CHRM3: variants seen among roughly 807,000 people sequenced by gnomAD.
CHRM3 encodes muscarinic acetylcholine receptor M3.
CHRM3 carries 11 observed loss-of-function variants against 41.8 expected under a neutral mutation model. The ratio of observed to expected loss-of-function variants is 0.26; its 90% CI spans 0.17 to 0.44. CHRM3 has a LOEUF of 0.44. Among genes scored for constraint, CHRM3 ranks in the 20% least tolerant of loss-of-function variants. The pLI, the probability that CHRM3 is intolerant of heterozygous loss-of-function variation, is 1.00. For missense variants in CHRM3, 571 were observed against 745.4 expected (o/e 0.77, Z 2.72); for synonymous variants, 297 against 301.4 (o/e 0.99, Z 0.15).
chr1:239,785,740 T>C (rs1019955955), intron 5 of CHRM3, among the ~76,000 whole-genome samples: 1 of 152,124 alleles, frequency 6.6e-6, no homozygotes, highest in African/African-American at 2.4e-5. Context: ...GTTAGTTTCT[T>C]CGTGGAAAAA....
chr1:239,508,839 C>G (rs1668742063), intron 2 of CHRM3, among the ~76,000 whole-genome samples: 1 of 152,084 alleles, frequency 6.6e-6, no homozygotes, highest in African/African-American at 2.4e-5. Flanking sequence ...TTTTTCGTCT[C>G]TTTACGTATT....
At chr1:239,455,864 C>T (rs1302129111) in intron 1 of CHRM3, among the ~76,000 whole-genome samples, 1 of 152,144 alleles carries the variant, frequency 6.6e-6, no homozygotes. Context: ...ATGTCCCAGG[C>T]CTTCACATCC....
chr1:239,400,306 CT>C (rs1334740607), intron 1 of CHRM3, among the ~76,000 whole-genome samples: 3 of 152,060 alleles, frequency 2.0e-5, no homozygotes, highest in Non-Finnish European at 2.9e-5. Context: ...AGATTATTTT[CT>C]TTTTTGCTAT....
At chr1:239,859,413 G>GTTTTTTTTTTTTTTTT (rs1331316835) in intron 6 of CHRM3, among the ~76,000 whole-genome samples, 2 of 113,260 alleles carry the variant, frequency 1.8e-5, no homozygotes. Flanking sequence ...TGTTGTTGTT[G>GTTTTTTTTTTTTTTTT]TTGTTGTTTT....
intron 6 of CHRM3, among the ~76,000 whole-genome samples, chr1:239,844,322 T>C (rs1421070053): frequency 1.3e-5 from 2 of 152,146 alleles, no homozygotes; most frequent in Admixed American, 6.5e-5. Context: ...GTTTAGGGAT[T>C]TGATATTTTT....
At chr1:239,623,184 T>C (rs1023722600) in intron 3 of CHRM3, among the ~76,000 whole-genome samples, 4 of 152,122 alleles carry the variant, frequency 2.6e-5, no homozygotes, top group Admixed American at 1.3e-4. Flanking sequence ...TACATATGTA[T>C]ACATGTGCCA....
At chr1:239,494,845 G>C (rs1320496440) in intron 2 of CHRM3, among the ~76,000 whole-genome samples, 1 of 152,084 alleles carries the variant, frequency 6.6e-6, no homozygotes, top group Non-Finnish European at 1.5e-5. Context: ...ATGGCTTCCA[G>C]CTTCATCCAT....
rs183573782 is a variant in CHRM3, at chr1:239,589,148, G to A, written c.-312-43076G>A. Among the ~76,000 whole-genome samples, 843 of 152,138 alleles carry A rather than the reference G, an allele frequency of 5.5e-3. 5 individuals carry two copies. The highest frequency in any genetic ancestry group is 0.016 in the African/African-American group (662 of 41,522). On this transcript the variant is annotated intron_variant, in intron 3 of 6. Transcript: ENST00000676153. ...AGGGTTTCACCATGTTGGCCAAGCT[G>A]GTCTCCAGCTCCTGACCTCAAGTGA...
At chr1:239,681,902 G>A (rs1434285709) in intron 5 of CHRM3, among the ~76,000 whole-genome samples, 1 of 152,010 alleles carries the variant, frequency 6.6e-6, no homozygotes, top group African/African-American at 2.4e-5. Flanking sequence ...CAAAAAAAAA[G>A]AAAGATGTTA....
At chr1:239,698,556 G>A (rs1660401061) in intron 5 of CHRM3, among the ~76,000 whole-genome samples, 2 of 152,146 alleles carry the variant, frequency 1.3e-5, no homozygotes, top group Non-Finnish European at 2.9e-5. Context: ...AACACCGTAA[G>A]ACTATTAAAT....
intron 4 of CHRM3, among the ~76,000 whole-genome samples, chr1:239,677,069 C>T (rs1488452876): frequency 1.3e-5 from 2 of 152,110 alleles, no homozygotes; most frequent in Non-Finnish European, 2.9e-5. Context: ...CATCACTCTC[C>T]TACACTGCAT....
intron 5 of CHRM3, among the ~76,000 whole-genome samples, chr1:239,738,516 A>C (rs1451222428): frequency 6.6e-6 from 1 of 152,188 alleles, no homozygotes; most frequent in Non-Finnish European, 1.5e-5. Flanking sequence ...GGAGAATAGA[A>C]CACATTAATT....
At chr1:239,769,287 T>C (rs1667473789) in intron 5 of CHRM3, among the ~76,000 whole-genome samples, 1 of 152,168 alleles carries the variant, frequency 6.6e-6, no homozygotes, top group Non-Finnish European at 1.5e-5. Flanking sequence ...TACTCTGCAT[T>C]TCCCTGGATA....
At chr1:239,732,033 G>A (rs559538309) in intron 5 of CHRM3, among the ~76,000 whole-genome samples, 44 of 152,026 alleles carry the variant, frequency 2.9e-4, no homozygotes, top group African/African-American at 9.6e-4. Context: ...AAAAATCTCT[G>A]GGTCTAAAAA....
chr1:239,874,317 A>ACAG (rs1357981191), intron 6 of CHRM3, among the ~76,000 whole-genome samples: 2 of 135,542 alleles, frequency 1.5e-5, no homozygotes, highest in Admixed American at 7.6e-5. Context: ...ATATATATAT[A>ACAG]TATATATATA....
At chr1:239,793,803 A>ATTTGTTTTTTTT (rs1669531903) in intron 5 of CHRM3, among the ~76,000 whole-genome samples, 2 of 69,496 alleles carry the variant, frequency 2.9e-5, no homozygotes, top group Non-Finnish European at 4.9e-5. Flanking sequence ...TGAAATGTGT[A>ATTTGTTTTTTTT]TTTTTTTTTT....
At chr1:239,419,553 G>T in intron 1 of CHRM3, among the ~76,000 whole-genome samples, 1 of 152,094 alleles carries the variant, frequency 6.6e-6, no homozygotes, top group East Asian at 1.9e-4. Context: ...GAACATATAA[G>T]GTGCTTTAGT....
chr1:239,462,163 A>G (rs1665407923), intron 1 of CHRM3, among the ~76,000 whole-genome samples: 1 of 152,232 alleles, frequency 6.6e-6, no homozygotes. Context: ...GAGTTTGCTT[A>G]AAGTGAGAAT....
chr1:239,846,248 C>T (rs1484269264), intron 6 of CHRM3, among the ~76,000 whole-genome samples: 1 of 152,102 alleles, frequency 6.6e-6, no homozygotes, highest in Non-Finnish European at 1.5e-5. Context: ...AAAACGCTTT[C>T]TCTTGAAAGG....
Sources: allele counts gnomAD v4.1 joint callset (sites outside exome capture counted in the v4.1 genomes callset), GRCh38; gene constraint gnomAD v4.1.1; transcripts MANE v1.5; gene names NCBI Gene and HGNC (gene_info 2026-07-23, HGNC 2026-07-21).